The following SLIT3 variants were observed in gnomAD, a reference collection of about 807,000 sequenced individuals.
The protein encoded by SLIT3 is slit guidance ligand 3.
SLIT3 carries 68 observed loss-of-function variants against 184.0 expected under a neutral mutation model. The observed-to-expected ratio is 0.37, with a 90% CI of 0.30 to 0.45. The LOEUF is 0.45. Ranked by LOEUF, SLIT3 falls within the 20% of genes least tolerant of loss-of-function variation. The pLI is 1.00. For missense variants in SLIT3, 1,707 were observed against 2,026.0 expected (o/e 0.84, Z 3.02); for synonymous variants, 831 against 828.6 (o/e 1.00, Z -0.05).
intron 4 of SLIT3, chr5:169,022,948 T>C (rs1756659541): frequency 6.6e-6 from 1 of 151,892 alleles, no homozygotes; most frequent in Admixed American, 6.6e-5. Flanking sequence ...GAACAGGTAA[T>C]AAGAAAAAAA....
At chr5:168,854,880 G>C (rs1194066584) in intron 5 of SLIT3, among the ~76,000 whole-genome samples, 1 of 152,144 alleles carries the variant, frequency 6.6e-6, no homozygotes, top group East Asian at 1.9e-4. Context: ...CTCAGTGTTC[G>C]GGGGATATCA....
At chr5:168,678,055 G>A (rs985428365) in intron 32 of SLIT3, among the ~76,000 whole-genome samples, 3 of 152,320 alleles carry the variant, frequency 2.0e-5, no homozygotes, top group Admixed American at 6.5e-5. Context: ...TAAGTAACCC[G>A]ATAGGGGCCA....
intron 12 of SLIT3, among the ~76,000 whole-genome samples, chr5:168,779,925 C>A (rs138593613): frequency 6.6e-6 from 1 of 152,342 alleles, no homozygotes; most frequent in Non-Finnish European, 1.5e-5. Context: ...TTTTGAAAAG[C>A]CCCATGGGGA....
chr5:168,795,094 G>T (rs911122779), intron 10 of SLIT3, among the ~76,000 whole-genome samples: 2 of 152,186 alleles, frequency 1.3e-5, no homozygotes, highest in South Asian at 4.1e-4. Context: ...TTATATGAAT[G>T]TATGCCTGGT....
At chr5:169,128,801 C>CA (rs1761177992) in intron 4 of SLIT3, among the ~76,000 whole-genome samples, 2 of 152,182 alleles carry the variant, frequency 1.3e-5, no homozygotes, top group Non-Finnish European at 2.9e-5. Context: ...TGCCAGCCAA[C>CA]ATGGACGGTG....
At chr5:168,749,351 C>G in intron 19 of SLIT3, 121 bp downstream of exon 19, 2 of 1,165,396 alleles carry the variant, frequency 1.7e-6, no homozygotes, top group Non-Finnish European at 2.5e-6. Flanking sequence ...CTCCAGAGCT[C>G]CAGCTGCATG....
chr5:169,132,162 C>T (rs876285), intron 4 of SLIT3, among the ~76,000 whole-genome samples: 100,699 of 151,828 alleles, frequency 0.66, 33,827 homozygotes, highest in Middle Eastern at 0.81. Context: ...TGCCTGTGGA[C>T]GATAACGGGG....
intron 27 of SLIT3, 117 bp from the exon 28 acceptor site, chr5:168,696,548 GGTCT>G: frequency 3.2e-6 from 4 of 1,259,110 alleles, no homozygotes; most frequent in South Asian, 1.3e-5. Flanking sequence ...TCCAGATGGA[GGTCT>G]GAGAAAGCAC....
At chr5:168,711,201 T>A in intron 24 of SLIT3, 143 bp from the exon 25 acceptor site, 1 of 668,960 alleles carries the variant, frequency 1.5e-6, no homozygotes. Flanking sequence ...TCGTCTCCAC[T>A]GTGGCAAAGT....
At chr5:168,764,261 T>G (rs193160653) in intron 14 of SLIT3, among the ~76,000 whole-genome samples, 9 of 152,310 alleles carry the variant, frequency 5.9e-5, no homozygotes, top group Non-Finnish European at 1.2e-4. Context: ...ACAGTGGCCA[T>G]TTACTGAACA....
intron 1 of SLIT3, among the ~76,000 whole-genome samples, chr5:169,266,079 G>A (rs1740825396): frequency 6.6e-6 from 1 of 152,186 alleles, no homozygotes; most frequent in South Asian, 2.1e-4. Context: ...GCGACTATCA[G>A]TCCAAAAGTT....
chr5:169,137,327 C>CAGAGAGAGAG (rs761731942), intron 4 of SLIT3, among the ~76,000 whole-genome samples: 39 of 87,296 alleles, frequency 4.5e-4, no homozygotes, highest in South Asian at 1.6e-3. Context: ...CACACACACA[C>CAGAGAGAGAG]ACACACACAG....
intron 5 of SLIT3, among the ~76,000 whole-genome samples, chr5:168,882,539 G>T (rs1249152409): frequency 2.0e-5 from 3 of 152,194 alleles, no homozygotes; most frequent in Non-Finnish European, 4.4e-5. Flanking sequence ...AGCACACGTG[G>T]AGCTGTGAAA....
intron 10 of SLIT3, chr5:168,789,846 G>A (rs558855131): frequency 3.0e-4 from 156 of 522,336 alleles, no homozygotes; most frequent in African/African-American, 2.6e-3. Context: ...CACTCTTCTT[G>A]GTTTTCAAAG....
At chr5:169,052,881 AC>A (rs1757864660) in intron 4 of SLIT3, among the ~76,000 whole-genome samples, 1 of 151,726 alleles carries the variant, frequency 6.6e-6, no homozygotes, top group African/African-American at 2.4e-5. Flanking sequence ...ACCCTCCCTC[AC>A]CCCACTCTGT....
intron 3 of SLIT3, among the ~76,000 whole-genome samples, chr5:169,238,543 C>CTTTT (rs71698425): frequency 0.027 from 3,193 of 116,984 alleles, 166 homozygotes; most frequent in African/African-American, 0.095. Flanking sequence ...AGTGAAATAG[C>CTTTT]TTTTTTTTTT....
At chr5:169,187,590 T>C (rs1763400289) in intron 4 of SLIT3, among the ~76,000 whole-genome samples, 2 of 149,472 alleles carry the variant, frequency 1.3e-5, no homozygotes, top group Non-Finnish European at 3.0e-5. Context: ...AGTCTCGCTC[T>C]GCCATCCAAG....
chr5:169,150,582 G>A (rs988552698), intron 4 of SLIT3, among the ~76,000 whole-genome samples: 1 of 151,934 alleles, frequency 6.6e-6, no homozygotes, highest in Admixed American at 6.6e-5. Context: ...TTTGAATGGA[G>A]TAATGGAGCA....
chr5:168,724,007 A>G (rs1304972537), intron 21 of SLIT3, among the ~76,000 whole-genome samples: 8 of 152,196 alleles, frequency 5.3e-5, no homozygotes, highest in Admixed American at 5.2e-4. Context: ...TGGGGTAAGT[A>G]TTACTGGCAT....
Sources: gnomAD v4.1 joint callset for allele counts (sites outside exome capture counted in the v4.1 genomes callset) on GRCh38, gnomAD v4.1.1 for gene constraint, MANE v1.5 for transcripts, NCBI Gene and HGNC (gene_info 2026-07-23, HGNC 2026-07-21) for gene names.